RFX3: variants seen among roughly 807,000 people sequenced by gnomAD.
The protein encoded by RFX3 is regulatory factor X3.
In RFX3, 14 loss-of-function variants were observed where a neutral mutation model predicts 98.6. The observed-to-expected ratio is 0.14, with a 90% CI of 0.09 to 0.22. RFX3 has a LOEUF of 0.22. RFX3 is among the 10% of genes least tolerant of loss of function. The probability of loss-of-function intolerance (pLI) is 1.00; values close to 1 mark genes in which losing one functional copy is unlikely to be tolerated. For synonymous variants in RFX3, 383 were observed against 328.4 expected, an observed-to-expected ratio of 1.17 and a Z score of -1.80; for missense variants, 639 against 926.9, an observed-to-expected ratio of 0.69 and a Z score of 4.03.
intron 1 of RFX3, among the ~76,000 whole-genome samples, chr9:3,440,788 TAAAGAA>T (rs941076664): frequency 3.3e-5 from 5 of 152,074 alleles, no homozygotes; most frequent in African/African-American, 4.8e-5. Flanking sequence ...ACACCTTTGA[TAAAGAA>T]AAAGTAAAAA....
At chr9:3,318,527 T>C (rs1326956315) in intron 4 of RFX3, among the ~76,000 whole-genome samples, 1 of 143,224 alleles carries the variant, frequency 7.0e-6, no homozygotes, top group Non-Finnish European at 1.5e-5. Context: ...AAAATAATAA[T>C]TAAAAAATTA....
chr9:3,273,310 G>A (rs927957870), intron 9 of RFX3, among the ~76,000 whole-genome samples: 1 of 152,020 alleles, frequency 6.6e-6, no homozygotes, highest in Non-Finnish European at 1.5e-5. Flanking sequence ...AGAGATGGTA[G>A]GAACACTGGT....
intron 2 of RFX3, among the ~76,000 whole-genome samples, chr9:3,374,076 T>TCA (rs942430209): frequency 1.8e-4 from 26 of 146,900 alleles, no homozygotes; most frequent in South Asian, 8.4e-4. Context: ...AGACTCTGTC[T>TCA]CACACACACA....
intron 14 of RFX3, among the ~76,000 whole-genome samples, chr9:3,255,286 T>C (rs959148160): frequency 6.6e-6 from 1 of 152,240 alleles, no homozygotes; most frequent in Non-Finnish European, 1.5e-5. Context: ...CAAAGCAATA[T>C]GGAAATCCTA....
chr9:3,420,681 T>G (rs1843368861), intron 1 of RFX3: 1 of 583,756 alleles, frequency 1.7e-6, no homozygotes, highest in South Asian at 7.5e-5. Flanking sequence ...GGAGTAAATT[T>G]TAAGAGGCAG....
In RFX3 at chr9:3,281,631, C is replaced by A. The variant is rs950235671; in HGVS notation, c.852-4170G>T. On this transcript the variant is annotated intron_variant, in intron 7 of 16. Coordinates refer to ENST00000617270, the MANE Select transcript of RFX3 (RefSeq NM_001282116.2). Reference sequence around the variant, plus strand: ...AACAGCTTGCAACTCAATGGGTAATCAGTGCTAAAGTTGTTAATGATTAAG... The same window carrying A: ...AACAGCTTGCAACTCAATGGGTAATAAGTGCTAAAGTTGTTAATGATTAAG... Among the ~76,000 whole-genome samples the A allele has an allele frequency of 5.9e-5, 9 of 151,704 alleles. No homozygotes were observed. The East Asian group carries it at 1.7e-3, about 29-fold the overall frequency.
intron 11 of RFX3, among the ~76,000 whole-genome samples, chr9:3,270,098 G>GAAATAAAT (rs1824208105): frequency 1.5e-4 from 2 of 13,768 alleles, no homozygotes; most frequent in African/African-American, 1.8e-4. Context: ...AAGAAAGAAA[G>GAAATAAAT]AAAGAAAGAA....
intron 1 of RFX3, among the ~76,000 whole-genome samples, chr9:3,428,158 C>T (rs1844296011): frequency 6.6e-6 from 1 of 152,268 alleles, no homozygotes; most frequent in African/African-American, 2.4e-5. Flanking sequence ...GCAGAAGAAT[C>T]AATCCAGCAT....
At chr9:3,307,929 GC>G (rs1829521434) in intron 4 of RFX3, among the ~76,000 whole-genome samples, 1 of 151,720 alleles carries the variant, frequency 6.6e-6, no homozygotes, top group South Asian at 2.1e-4. Context: ...ATCTTCTTCT[GC>G]CTTTTTTTAC....
chr9:3,470,594 T>C (rs1440755571), intron 1 of RFX3, among the ~76,000 whole-genome samples: 1 of 152,168 alleles, frequency 6.6e-6, no homozygotes, highest in Non-Finnish European at 1.5e-5. Flanking sequence ...CCCAGAGTGC[T>C]GGGATTACAG....
At chr9:3,298,404 T>G in intron 5 of RFX3, among the ~76,000 whole-genome samples, 1 of 151,840 alleles carries the variant, frequency 6.6e-6, no homozygotes, top group East Asian at 1.9e-4. Flanking sequence ...GTACACATGA[T>G]TGGCAAAGGC....
At chr9:3,511,899 T>A (rs1174299524) in intron 1 of RFX3, among the ~76,000 whole-genome samples, 1 of 151,994 alleles carries the variant, frequency 6.6e-6, no homozygotes, top group Non-Finnish European at 1.5e-5. Context: ...GCTTGTAGGG[T>A]AACTACAGTC....
chr9:3,264,395 C>T (rs560304080), intron 12 of RFX3, among the ~76,000 whole-genome samples: 163 of 152,016 alleles, frequency 1.1e-3, no homozygotes, highest in Middle Eastern at 3.4e-3. Context: ...CAATTGGGAG[C>T]GGTAGAGGGT....
chr9:3,266,902 G>A (rs1004651169), intron 11 of RFX3, among the ~76,000 whole-genome samples: 6 of 151,974 alleles, frequency 3.9e-5, no homozygotes, highest in African/African-American at 1.4e-4. Flanking sequence ...AGAGGTAAAC[G>A]ATCAGTATGA....
chr9:3,492,265 C>T (rs963940853), intron 1 of RFX3, among the ~76,000 whole-genome samples: 27 of 152,154 alleles, frequency 1.8e-4, no homozygotes, highest in Admixed American at 3.9e-4. Context: ...CATCTTTTTT[C>T]ACTCACATTT....
chr9:3,229,078 G>A (rs1818144148), intron 15 of RFX3, among the ~76,000 whole-genome samples, 189 bp from the exon 16 acceptor site: 1 of 152,128 alleles, frequency 6.6e-6, no homozygotes, highest in African/African-American at 2.4e-5. Context: ...TTTAAATTAT[G>A]TCACAATTTA....
intron 15 of RFX3, among the ~76,000 whole-genome samples, chr9:3,231,641 A>C (rs1818463596): frequency 6.6e-6 from 1 of 152,132 alleles, no homozygotes; most frequent in Admixed American, 6.5e-5. Flanking sequence ...GCATGGGTTT[A>C]TGGCATGCAA....
At chr9:3,513,949 G>C (rs1261981481) in intron 1 of RFX3, among the ~76,000 whole-genome samples, 1 of 152,142 alleles carries the variant, frequency 6.6e-6, no homozygotes, top group Non-Finnish European at 1.5e-5. Context: ...AAACTTGGCA[G>C]ACTTCTAAAA....
chr9:3,315,435 T>C (rs1395233464), intron 4 of RFX3, among the ~76,000 whole-genome samples: 14 of 152,172 alleles, frequency 9.2e-5, no homozygotes, highest in Non-Finnish European at 1.8e-4. Flanking sequence ...AGATCTAAAA[T>C]TGACACCCTA....
Sources: allele counts gnomAD v4.1 joint callset (sites outside exome capture counted in the v4.1 genomes callset), GRCh38; gene constraint gnomAD v4.1.1; transcripts MANE v1.5; gene names NCBI Gene and HGNC (gene_info 2026-07-23, HGNC 2026-07-21).